Variants in FAM200B observed in about 807,000 individuals in gnomAD.
FAM200B encodes zinc finger BED-type containing 11.
A neutral mutation model predicts 33.1 loss-of-function variants in FAM200B; 32 were observed. The ratio of observed to expected loss-of-function variants is 0.97; its 90% CI spans 0.73 to 1.30. The LOEUF (loss-of-function observed/expected upper bound fraction) is 1.30, where lower values mean the gene tolerates loss of function less well. Ranked by LOEUF, FAM200B falls within the 50% of genes most tolerant of loss-of-function variation. The pLI, the probability that FAM200B is intolerant of heterozygous loss-of-function variation, is 0.00. For synonymous variants in FAM200B, 240 were observed against 264.8 expected, an observed-to-expected ratio of 0.91 and a Z score of 0.91; for missense variants, 741 against 754.0, an observed-to-expected ratio of 0.98 and a Z score of 0.20.
At chr4:15,662,681 T>A in the FAM200B span, among the ~76,000 whole-genome samples, 5 of 152,148 alleles carry the variant, frequency 3.3e-5, no homozygotes, top group Non-Finnish European at 7.4e-5. Flanking sequence ...TTTTTCAATA[T>A]CATTCTAGAG....
the FAM200B span, among the ~76,000 whole-genome samples, chr4:15,670,022 TTGTTA>T: frequency 6.6e-6 from 1 of 152,238 alleles, no homozygotes; most frequent in African/African-American, 2.4e-5. Flanking sequence ...AGCTACTGTA[TTGTTA>T]TATCTCACTT....
the FAM200B span, among the ~76,000 whole-genome samples, chr4:15,647,670 A>G: frequency 6.6e-6 from 1 of 152,192 alleles, no homozygotes; most frequent in East Asian, 1.9e-4. Flanking sequence ...TAACTATATA[A>G]AGAGACTCTA....
the FAM200B span, among the ~76,000 whole-genome samples, chr4:15,644,177 G>A: frequency 6.6e-6 from 1 of 152,172 alleles, no homozygotes; most frequent in Admixed American, 6.5e-5. Flanking sequence ...GAATTTTATA[G>A]TTAGTCTAGC....
upstream of FAM200B, among the ~76,000 whole-genome samples, chr4:15,677,179 CAA>C (rs949476177): frequency 3.0e-4 from 45 of 152,094 alleles, no homozygotes; most frequent in African/African-American, 1.0e-3. Context: ...CAAAGGAACA[CAA>C]GAGGCTTAAA....
At chr4:15,641,071 G>GT in the FAM200B span, among the ~76,000 whole-genome samples, 158 of 152,150 alleles carry the variant, frequency 1.0e-3, 1 homozygote, top group African/African-American at 3.7e-3. Flanking sequence ...CTTTAGTAAT[G>GT]TATGTAACCC....
the FAM200B span, among the ~76,000 whole-genome samples, chr4:15,665,193 T>C: frequency 0.092 from 14,049 of 152,174 alleles, 790 homozygotes; most frequent in Non-Finnish European, 0.13. Flanking sequence ...AGAATGCCTT[T>C]CTTATTTGTG....
At chr4:15,652,080 G>C in the FAM200B span, among the ~76,000 whole-genome samples, 12 of 152,324 alleles carry the variant, frequency 7.9e-5, no homozygotes, top group East Asian at 1.9e-3. Flanking sequence ...AGCTACTACA[G>C]AGTAGACGGT....
At chr4:15,661,584 G>T in the FAM200B span, among the ~76,000 whole-genome samples, 1 of 152,178 alleles carries the variant, frequency 6.6e-6, no homozygotes, top group South Asian at 2.1e-4. Flanking sequence ...ACATTTAGTT[G>T]TAAGTGACAG....
the FAM200B span, among the ~76,000 whole-genome samples, chr4:15,661,349 T>C: frequency 4.6e-5 from 7 of 152,242 alleles, no homozygotes; most frequent in South Asian, 6.2e-4. Flanking sequence ...TGTAAAGGGA[T>C]AGTGAGTCTC....
chr4:15,687,813 G>A lies in FAM200B; in HGVS notation c.836G>A (p.Arg279His), dbSNP rs577325145. The change falls in exon 2 of 2, where the codon CGC becomes CAC. Residue 279 changes from arginine (R) to histidine (H), a missense_variant. Transcript: ENST00000422728. ...GLDIFTELERRIVGQYKLNWK... is the reference protein window; with the variant it reads ...GLDIFTELERHIVGQYKLNWK... The stretch of plus-strand genomic sequence containing the variant: ...GATATTTTTACAGAATTAGAAAGGC[G>A]CATAGTTGGCCAATATAAATTAAAC... 57 of 1,550,822 alleles carry A rather than the reference G, an allele frequency of 3.7e-5. 1 individual carries two copies. Among genetic ancestry groups the A allele is most frequent in the South Asian group, 1.5e-4 (13 of 84,022 alleles).
the FAM200B span, among the ~76,000 whole-genome samples, chr4:15,658,110 T>A: frequency 1.3e-5 from 2 of 152,244 alleles, no homozygotes; most frequent in African/African-American, 2.4e-5. Flanking sequence ...AAGCCTAATT[T>A]TGAGAACCCT....
chr4:15,660,696 T>C, the FAM200B span, among the ~76,000 whole-genome samples: 3 of 152,184 alleles, frequency 2.0e-5, no homozygotes, highest in South Asian at 2.1e-4. Flanking sequence ...TATTAATACA[T>C]ATTAATTAAT....
chr4:15,665,283 T>TA, the FAM200B span, among the ~76,000 whole-genome samples: 1 of 152,132 alleles, frequency 6.6e-6, no homozygotes, highest in African/African-American at 2.4e-5. Context: ...CATATTTACT[T>TA]AGAGCCCCCT....
At chr4:15,655,683 A>G in the FAM200B span, among the ~76,000 whole-genome samples, 1 of 152,158 alleles carries the variant, frequency 6.6e-6, no homozygotes, top group Non-Finnish European at 1.5e-5. Flanking sequence ...CACGGCCTTG[A>G]GGAGAGGCAG....
chr4:15,654,623 T>C, the FAM200B span, among the ~76,000 whole-genome samples: 9 of 152,186 alleles, frequency 5.9e-5, no homozygotes, highest in Admixed American at 3.3e-4. Context: ...AAACTTGGCT[T>C]TTCTCCCAAA....
chr4:15,644,725 A>G, the FAM200B span: 3 of 1,569,696 alleles, frequency 1.9e-6, no homozygotes, highest in Admixed American at 5.3e-5. Flanking sequence ...AAAAATTTAA[A>G]AAGAAAAGTG....
chr4:15,655,155 C>T, the FAM200B span: 1 of 1,327,948 alleles, frequency 7.5e-7, no homozygotes, highest in Non-Finnish European at 9.9e-7. Context: ...CAGCCCGCTC[C>T]CCATCGCCGC....
At chr4:15,659,744 T>C in the FAM200B span, 1 of 984,718 alleles carries the variant, frequency 1.0e-6, no homozygotes, top group Non-Finnish European at 1.2e-6. Flanking sequence ...CATTTACCTC[T>C]TAGTAAATAT....
the FAM200B span, chr4:15,655,057 G>T: frequency 4.4e-6 from 2 of 458,708 alleles, no homozygotes; most frequent in East Asian, 8.0e-5. Flanking sequence ...TGCGGGAGCG[G>T]GCGGCGCTGA....
Sources: allele counts gnomAD v4.1 joint callset (sites outside exome capture counted in the v4.1 genomes callset), GRCh38; gene constraint gnomAD v4.1.1; transcripts MANE v1.5; gene names NCBI Gene and HGNC (gene_info 2026-07-23, HGNC 2026-07-21).